BTN1A1: variants seen among roughly 807,000 people sequenced by gnomAD.
BTN1A1 encodes the protein butyrophilin subfamily 1 member A1.
BTN1A1 carries 26 observed loss-of-function variants against 33.1 expected under a neutral mutation model. That is an observed-to-expected ratio of 0.79 (90% CI 0.58 to 1.09). The LOEUF is 1.09. Among genes scored for constraint, BTN1A1 ranks in the 50% least tolerant of loss-of-function variants. The probability of loss-of-function intolerance (pLI) is 0.00; values close to 1 mark genes in which losing one functional copy is unlikely to be tolerated. For missense variants in BTN1A1, 558 were observed against 655.7 expected, an observed-to-expected ratio of 0.85 and a Z score of 1.63; for synonymous variants, 235 against 256.2, an observed-to-expected ratio of 0.92 and a Z score of 0.79.
rs1763782261 is a variant in BTN1A1, at chr6:26,500,324, T to G, written c.-92T>G. On this transcript the variant is annotated 5_prime_UTR_variant, in exon 1 of 8. Coordinates refer to ENST00000684113, the MANE Select transcript of BTN1A1 (RefSeq NM_001732.3). ...AGCCAGCTTTCTCACTTGGTAGCAG[T>G]GGCCTCTTGTGCCTTTTTCTCCAAG... 6.6e-6 allele frequency among the ~76,000 whole-genome samples: 1 copy of G among 152,214 alleles called. No homozygotes were observed. The highest frequency in any genetic ancestry group is 1.5e-5 in the Non-Finnish European group (1 of 68,036).
intron 3 of BTN1A1, among the ~76,000 whole-genome samples, chr6:26,503,210 G>A (rs1299189024): frequency 3.3e-5 from 5 of 151,532 alleles, no homozygotes; most frequent in Admixed American, 2.6e-4. Context: ...AAAGTGGGAT[G>A]TGGTGTCTCA....
rs537020423 is a variant in BTN1A1, at chr6:26,502,088, AG to A, written c.427+158del. ...GGGACGACTATCTGGGCGGGAGGCG[AG>A]GGGGGGTAAAAGAATTTACCAAGAC... On this transcript the variant is annotated intron_variant, in intron 3 of 7. Transcript: ENST00000684113. 4.0e-4 allele frequency: 488 copies of A among 1,211,638 alleles called. 1 individual carries two copies. Among genetic ancestry groups the A allele is most frequent in the Non-Finnish European group, 4.1e-4 (383 of 935,672 alleles). The allele number at this position is 1,211,638 out of a possible 1,614,324, so 75.1% of individuals were successfully genotyped here.
chr6:26,510,085 T>A lies in BTN1A1; in HGVS notation c.*911T>A, dbSNP rs1452194064. ...TTGCTCAGTCACCATCTCAACCTTA[T>A]GTCACCTCAGCCCTCATCTCAATGC... On this transcript the variant is annotated 3_prime_UTR_variant, in exon 8 of 8. Transcript: ENST00000684113. The A allele has an allele frequency of 6.5e-6, 1 of 152,730 alleles. No individual in the cohort carries two copies. Among genetic ancestry groups the A allele is most frequent in the Non-Finnish European group, 1.5e-5 (1 of 68,116 alleles). The allele number at this position is 152,730 out of a possible 1,614,324, so 9.5% of individuals were successfully genotyped here.
intron 3 of BTN1A1, among the ~76,000 whole-genome samples, 193 bp downstream of exon 3, chr6:26,502,130 C>T (rs1052704400): frequency 1.3e-5 from 2 of 152,124 alleles, no homozygotes; most frequent in African/African-American, 4.8e-5. Flanking sequence ...TAAAGAAAGG[C>T]AGATTTACTT....
rs763778549 is a variant in BTN1A1, at chr6:26,509,157, A to T, written c.1564A>T (p.Ser522Cys). Residue 522 changes from serine (S) to cysteine (C), a missense_variant, in exon 8 of 8, where the codon AGC (serine) becomes TGC (cysteine). Ser to Cys is a moderately radical substitution (Grantham distance 112, BLOSUM62 -1). Transcript: ENST00000684113. ...LHSKLIPTQPSQGAP is the reference protein window; with the variant it reads ...LHSKLIPTQPCQGAP ...TTCTAAGCTAATCCCTACCCAACCC[A>T]GCCAAGGGGCACCTTAAGGAATATC... 3.7e-6 allele frequency: 6 copies of T among 1,611,474 alleles called. No homozygotes were observed. Among genetic ancestry groups the T allele is most frequent in the South Asian group, 3.3e-5 (3 of 90,772 alleles).
Position 26,501,441 on chromosome 6 carries a change from C to T in BTN1A1, c.79+76C>T, listed in dbSNP as rs1442556787. 3 of 1,572,936 alleles carry T rather than the reference C, an allele frequency of 1.9e-6. No homozygotes were observed. The stretch of plus-strand genomic sequence containing the variant: ...GTAAAATAAACAATCCCACTTGGCT[C>T]TCCCTGGAGACCTCCACTGGATCCA... On this transcript the variant is annotated intron_variant, in intron 2 of 7. Transcript: ENST00000684113. The surrounding 1 kb of genome is among the most constrained non-coding windows in gnomAD (Gnocchi z 5.2).
At chr6:26,508,040 T>C (rs1763894149) in intron 6 of BTN1A1, 21 bp from the exon 7 acceptor site, 7 of 1,612,504 alleles carry the variant, frequency 4.3e-6, no homozygotes, top group Non-Finnish European at 5.9e-6. Context: ...TGTCAATGAC[T>C]ATCTTTCTCT....
At chr6:26,506,015 AG>A (rs1763865435) in intron 4 of BTN1A1, among the ~76,000 whole-genome samples, 1 of 150,924 alleles carries the variant, frequency 6.6e-6, no homozygotes, top group African/African-American at 2.4e-5. Context: ...GCTACTTGGG[AG>A]GCTGAAGCAG....
chr6:26,506,676 G>A lies in BTN1A1; in HGVS notation c.710-7G>A. 6.2e-7 allele frequency: 1 copy of A among 1,613,116 alleles called. No individual in the cohort carries two copies. The highest frequency in any genetic ancestry group is 8.5e-7 in the Non-Finnish European group (1 of 1,179,814). On this transcript the variant is annotated splice_region_variant and splice_polypyrimidine_tract_variant and intron_variant, in intron 4 of 7. Transcript: ENST00000684113. ...AACTAATGTCCTTCTTGGGGATTTT[G>A]TTTTAGCTTCCTCCCTCCCAAGGCT...
Position 26,504,908 on chromosome 6 carries a change from A to G in BTN1A1, c.428-17A>G. On this transcript the variant is annotated splice_polypyrimidine_tract_variant and intron_variant, in intron 3 of 7. Transcript: ENST00000684113. ...AGGGGTCCGCTAAAACATTAAGTCC[A>G]GATTCTCTCTCCATAGCTCTGGGCT... is the stretch of plus-strand genomic sequence containing the variant. 1 of 1,610,762 alleles carries G rather than the reference A, an allele frequency of 6.2e-7. No individual in the cohort carries two copies. The highest frequency in any genetic ancestry group is 8.5e-7 in the Non-Finnish European group (1 of 1,177,620).
At position 26,506,107 on chromosome 6, in the gene BTN1A1, G is replaced by C. The variant is rs1486413290; in HGVS notation, c.710-576G>C. On this transcript the variant is annotated intron_variant, in intron 4 of 7. Coordinates refer to ENST00000684113, the MANE Select transcript of BTN1A1 (RefSeq NM_001732.3). ...GAACTCCACTCCAGCCTGGGTGACA[G>C]AGCGAGACTGCATCTCAAAAAAAAA... 1.4e-5 allele frequency among the ~76,000 whole-genome samples: 2 copies of C among 142,826 alleles called. 1 individual carries two copies. Among genetic ancestry groups the C allele is most frequent in the Admixed American group, 1.4e-4 (2 of 13,912 alleles). 93.7% of individuals were successfully genotyped at this position (142,826 alleles called of 152,430 possible).
At chr6:26,508,124 C>G in intron 7 of BTN1A1, 37 bp downstream of exon 7, 3 of 1,577,104 alleles carry the variant, frequency 1.9e-6, no homozygotes, top group African/African-American at 1.4e-5. Flanking sequence ...CTCTGAGGCT[C>G]TATCCCCTAG....
intron 7 of BTN1A1, 117 bp downstream of exon 7, chr6:26,508,204 C>A: frequency 7.7e-7 from 1 of 1,305,960 alleles, no homozygotes; most frequent in Non-Finnish European, 1.1e-6. Flanking sequence ...GGAAGGGAAA[C>A]GGTGATGACA....
rs1182799641 is a variant in BTN1A1, at chr6:26,504,957, G to A, written c.460G>A (p.Val154Ile). ...CTCTGACCCTCACATCAGTATGCAAGTTCAAGAGAATGGAGAAATCTGTCT... is the reference window on the plus strand; with the variant it reads ...CTCTGACCCTCACATCAGTATGCAAATTCAAGAGAATGGAGAAATCTGTCT... ...LGSDPHISMQVQENGEICLEC... is the reference protein window; with the variant it reads ...LGSDPHISMQIQENGEICLEC... Residue 154 changes from valine to isoleucine, a missense_variant, in exon 4 of 8, where the codon GTT (valine) becomes ATT (isoleucine). Val to Ile is a conservative substitution (Grantham distance 29). Coordinates refer to ENST00000684113, the MANE Select transcript of BTN1A1 (RefSeq NM_001732.3). 2.5e-6 allele frequency: 4 copies of A among 1,614,160 alleles called. No homozygotes were observed. Among genetic ancestry groups the A allele is most frequent in the Non-Finnish European group, 3.4e-6 (4 of 1,180,028 alleles).
chr6:26,504,979 G>A lies in BTN1A1; in HGVS notation c.482G>A (p.Cys161Tyr), dbSNP rs1428531680. The change falls in exon 4 of 8, where the codon TGT becomes TAT. Residue 161 changes from cysteine (C) to tyrosine (Y), a missense_variant. Cys to Tyr is a radical substitution (Grantham distance 194). Coordinates refer to ENST00000684113, the MANE Select transcript of BTN1A1 (RefSeq NM_001732.3). ...SMQVQENGEI[C>Y]LECTSVGWYP... The stretch of plus-strand genomic sequence containing the variant: ...CAAGTTCAAGAGAATGGAGAAATCT[G>A]TCTGGAGTGCACCTCAGTGGGATGG... 1.5e-5 allele frequency: 25 copies of A among 1,614,178 alleles called. No individual in the cohort carries two copies. The highest frequency in any genetic ancestry group is 2.2e-5 in the East Asian group (1 of 44,888).
chr6:26,506,826 T>C lies in BTN1A1; in HGVS notation c.853T>C (p.Ser285Pro). The part of the protein sequence containing the change: ...RPRERRNEFS[S>P]KERLLEELKW... ...CAGAGAGAGGAGGAATGAATTCAGC[T>C]CTAAAGGTAAACCATAGAATCCACA... The change falls in exon 5 of 8, where the codon TCT becomes CCT. Residue 285 changes from serine to proline, a missense_variant. Coordinates refer to ENST00000684113, the MANE Select transcript of BTN1A1 (RefSeq NM_001732.3). 1 of 1,614,126 alleles carries C rather than the reference T, an allele frequency of 6.2e-7. No individual in the cohort carries two copies. Among genetic ancestry groups the C allele is most frequent in the African/African-American group, 1.3e-5 (1 of 75,044 alleles).
Position 26,501,497 on chromosome 6 carries a change from G to T in BTN1A1, c.80-93G>T. 6.3e-7 allele frequency: 1 copy of T among 1,586,084 alleles called. No homozygotes were observed. The highest frequency in any genetic ancestry group is 8.6e-7 in the Non-Finnish European group (1 of 1,159,048). The stretch of plus-strand genomic sequence containing the variant: ...ACTCAGCTGTCAAAGGAGTAAGAGA[G>T]CGCGGGGCACTGCGCTTTGGCGGGA... On this transcript the variant is annotated intron_variant, in intron 2 of 7. Coordinates refer to ENST00000684113, the MANE Select transcript of BTN1A1 (RefSeq NM_001732.3). The surrounding 1 kb of genome is among the most constrained non-coding windows in gnomAD (Gnocchi z 5.2).
rs201452649 is a variant in BTN1A1 at position 26,508,627 on chromosome 6, C to G, written c.1034C>G (p.Pro345Arg). 1.1e-5 allele frequency: 17 copies of G among 1,614,128 alleles called. No individual in the cohort carries two copies. Among genetic ancestry groups the G allele is most frequent in the Non-Finnish European group, 1.4e-5 (17 of 1,180,034 alleles). Reference sequence around the variant, plus strand: ...AAAACAGAGAGATTTGACTCCTGGCCCTGTGTGTTGGGCCGTGAGACCTTC... The same window carrying G: ...AAAACAGAGAGATTTGACTCCTGGCGCTGTGTGTTGGGCCGTGAGACCTTC... Reference protein sequence around the residue: ...PEKTERFDSWPCVLGRETFTS... With the variant: ...PEKTERFDSWRCVLGRETFTS... The change falls in exon 8 of 8, where the codon CCC becomes CGC. Residue 345 changes from proline (P) to arginine (R), a missense_variant. Transcript: ENST00000684113.
At position 26,501,463 on chromosome 6, in the gene BTN1A1, T is replaced by G. The variant is rs1278721477; in HGVS notation, c.79+98T>G. 6.4e-7 allele frequency: 1 copy of G among 1,573,280 alleles called. No individual in the cohort carries two copies. Among genetic ancestry groups the G allele is most frequent in the African/African-American group, 1.4e-5 (1 of 74,028 alleles). ...GCTCTCCCTGGAGACCTCCACTGGA[T>G]CCAGACAAACTCAGCTGTCAAAGGA... On this transcript the variant is annotated intron_variant, in intron 2 of 7. Coordinates refer to ENST00000684113, the MANE Select transcript of BTN1A1 (RefSeq NM_001732.3). This position sits in a 1 kb window ranked among gnomAD's most constrained non-coding sequence, Gnocchi z 5.2.
Sources: allele counts gnomAD v4.1 joint callset (sites outside exome capture counted in the v4.1 genomes callset), GRCh38; gene constraint gnomAD v4.1.1; non-coding constraint Gnocchi (gnomAD v3.1); transcripts MANE v1.5; gene names NCBI Gene and HGNC (gene_info 2026-07-23, HGNC 2026-07-21).